Variants in ATP11C observed in about 807,000 individuals in gnomAD.
ATP11C encodes phospholipid-transporting ATPase IG.
In ATP11C, 36 loss-of-function variants were observed where a neutral mutation model predicts 97.4. That is an observed-to-expected ratio of 0.37 (90% CI 0.28 to 0.49). The LOEUF is 0.49. Among genes scored for constraint, ATP11C ranks in the 20% least tolerant of loss-of-function variants. The probability of loss-of-function intolerance (pLI) is 0.98; values close to 1 mark genes in which losing one functional copy is unlikely to be tolerated. For missense variants in ATP11C, 730 were observed against 824.6 expected, an observed-to-expected ratio of 0.89 and a Z score of 1.40; for synonymous variants, 275 against 290.9, an observed-to-expected ratio of 0.95 and a Z score of 0.56.
chrX:139,823,222 C>T (rs990506460), intron 2 of ATP11C, among the ~76,000 whole-genome samples: 3 of 111,007 alleles, frequency 2.7e-5, no homozygotes, highest in Non-Finnish European at 5.7e-5. Context: ...AACAAACAAA[C>T]AAACAAAAAA....
intron 20 of ATP11C, among the ~76,000 whole-genome samples, chrX:139,765,111 G>C (rs2082109920): frequency 9.1e-6 from 1 of 110,439 alleles, no homozygotes; most frequent in African/African-American, 3.3e-5. Flanking sequence ...AAGATAAAAG[G>C]ATATACAATC....
Position 139,782,723 on chromosome X carries a change from C to T in ATP11C, c.1776G>A (p.Gly592=), listed in dbSNP as rs767782753. ...TGAAGGCTACACAGAGTGTCCGATA[C>T]CCATCCTAGGAGTAAAGTAGGAGAT... ...KVHVERNAMD[G]YRTLCVAFKE... The change falls in exon 18 of 30, where the codon GGG becomes GGA. Residue 592 remains glycine (G), a synonymous_variant. Coordinates refer to ENST00000682941, the MANE Select transcript of ATP11C (RefSeq NM_001353812.2). 4.3e-6 allele frequency: 5 copies of T among 1,175,673 alleles called. No individual in the cohort carries two copies. The highest frequency in any genetic ancestry group is 3.0e-5 in the East Asian group (1 of 33,269).
intron 14 of ATP11C, 63 bp from the exon 15 acceptor site, chrX:139,787,307 A>T (rs1226627426): frequency 5.2e-6 from 5 of 963,944 alleles, no homozygotes; most frequent in African/African-American, 2.0e-5. Flanking sequence ...TTTTATTATT[A>T]TTTTTTTTGA....
intron 1 of ATP11C, among the ~76,000 whole-genome samples, chrX:139,925,135 T>C (rs2085331012): frequency 8.9e-6 from 1 of 111,755 alleles, no homozygotes; most frequent in African/African-American, 3.3e-5. Context: ...AATATTTCCG[T>C]GTTTACTATA....
intron 1 of ATP11C, among the ~76,000 whole-genome samples, chrX:139,920,546 A>G (rs2085243080): frequency 9.0e-6 from 1 of 111,389 alleles, no homozygotes; most frequent in Non-Finnish European, 1.9e-5. Flanking sequence ...TGGGACTAAG[A>G]GCTAACGGAT....
At chrX:139,904,255 C>T (rs751396940) in intron 1 of ATP11C, among the ~76,000 whole-genome samples, 22 of 111,527 alleles carry the variant, frequency 2.0e-4, no homozygotes, top group African/African-American at 6.5e-4. Context: ...TGGCCGGGCA[C>T]GGTGGCTCAC....
chrX:139,825,136 A>G (rs2083500019), intron 2 of ATP11C, among the ~76,000 whole-genome samples: 1 of 111,240 alleles, frequency 9.0e-6, no homozygotes, highest in Non-Finnish European at 1.9e-5. Context: ...AACACAAATA[A>G]CAATAGCAGC....
chrX:139,920,643 T>C (rs2085244751), intron 1 of ATP11C, among the ~76,000 whole-genome samples: 1 of 111,902 alleles, frequency 8.9e-6, no homozygotes, highest in African/African-American at 3.2e-5. Context: ...TCCACTTAAG[T>C]GTATACTTTA....
chrX:139,909,475 C>G (rs2085034488), intron 1 of ATP11C, among the ~76,000 whole-genome samples: 3 of 111,005 alleles, frequency 2.7e-5, no homozygotes, highest in Non-Finnish European at 5.7e-5. Context: ...TGTATCTGGT[C>G]TGTGATGTGA....
At chrX:139,729,957 T>A (rs2081308709) in intron 29 of ATP11C, among the ~76,000 whole-genome samples, 1 of 111,145 alleles carries the variant, frequency 9.0e-6, no homozygotes, top group Non-Finnish European at 1.9e-5. Context: ...CTCTGCAGGG[T>A]CATGGTGACT....
At chrX:139,807,283 A>C (rs758897844) in intron 5 of ATP11C, among the ~76,000 whole-genome samples, 40 of 110,762 alleles carry the variant, frequency 3.6e-4, no homozygotes, top group Non-Finnish European at 5.5e-4. Flanking sequence ...CACCATAAAA[A>C]ACTCTCCGGC....
At chrX:139,733,212 C>A in intron 28 of ATP11C, among the ~76,000 whole-genome samples, 1 of 111,599 alleles carries the variant, frequency 9.0e-6, no homozygotes, top group South Asian at 3.7e-4. Context: ...CCTTAAAACA[C>A]CCAGAAAAGT....
rs1292184024 is a variant in ATP11C at position 139,749,878 on chromosome X, C to A, written c.2828+147G>T. ...ATATGTCATTTTCCTGTTGAGCAGT[C>A]TGCTTTCAATAGCTAAAAATTCCAA... On this transcript the variant is annotated intron_variant, in intron 24 of 29. Coordinates refer to ENST00000682941, the MANE Select transcript of ATP11C (RefSeq NM_001353812.2). The A allele has an allele frequency of 2.1e-5, 11 of 526,429 alleles. No individual in the cohort carries two copies. In the East Asian group the frequency reaches 3.8e-4, roughly 18 times the overall value. The allele number at this position is 526,429 out of a possible 1,213,427, so 43.4% of individuals were successfully genotyped here.
At position 139,798,682 on chromosome X, in the gene ATP11C, A is replaced by G. The variant is rs761082044; in HGVS notation, c.772T>C (p.Tyr258His). The G allele has an allele frequency of 1.7e-6, 2 of 1,197,879 alleles. No homozygotes were observed. The highest frequency in any genetic ancestry group is 2.2e-5 in the Admixed American group (1 of 45,329). The change falls in exon 9 of 30, where the codon TAT becomes CAT. Residue 258 changes from tyrosine (Y) to histidine (H), a missense_variant. Tyr to His is a moderately conservative substitution (Grantham distance 83, BLOSUM62 2). Transcript: ENST00000682941. ...GATLKNTEKI[Y>H]GVAVYTGMET... ...GTGTATCTTAAAAATTGTTCACCAT[A>G]TATCTTCTCGGTATTTTTTAGCGTA...
At chrX:139,754,273 A>G (rs1234181660) in intron 23 of ATP11C, among the ~76,000 whole-genome samples, 1 of 111,454 alleles carries the variant, frequency 9.0e-6, no homozygotes, top group Non-Finnish European at 1.9e-5. Flanking sequence ...AGACTGAACC[A>G]GTCAGAAAAC....
At chrX:139,862,563 A>AT (rs1487420331) in intron 1 of ATP11C, among the ~76,000 whole-genome samples, 4 of 111,941 alleles carry the variant, frequency 3.6e-5, no homozygotes, top group African/African-American at 1.3e-4. Flanking sequence ...TTCTGTGTTG[A>AT]TTGTTGTTGT....
At chrX:139,905,064 T>C (rs765421068) in intron 1 of ATP11C, among the ~76,000 whole-genome samples, 9 of 111,991 alleles carry the variant, frequency 8.0e-5, no homozygotes, top group South Asian at 7.4e-4. Context: ...ATCTGTGGAA[T>C]TGGGTGATGG....
rs755612277 is a variant in ATP11C at position 139,785,955 on chromosome X, T to C, written c.1593-656A>G. 2.4e-4 allele frequency among the ~76,000 whole-genome samples: 27 copies of C among 111,165 alleles called. 1 individual carries two copies. The highest frequency in any genetic ancestry group is 4.1e-4 in the Non-Finnish European group (22 of 53,033). ...CGGCAGCATGAGAGCACATGGCCCA[T>C]GGAAGACTTTAAGTAGTTCACCAAT... On this transcript the variant is annotated intron_variant, in intron 15 of 29. Transcript: ENST00000682941.
intron 1 of ATP11C, among the ~76,000 whole-genome samples, chrX:139,853,758 G>A (rs2084041998): frequency 2.4e-5 from 2 of 83,982 alleles, no homozygotes; most frequent in African/African-American, 9.4e-5. Context: ...TTTGCTAACA[G>A]AAGAAAGTAA....
Sources: allele counts gnomAD v4.1 joint callset (sites outside exome capture counted in the v4.1 genomes callset), GRCh38; gene constraint gnomAD v4.1.1; transcripts MANE v1.5; gene names NCBI Gene and HGNC (gene_info 2026-07-23, HGNC 2026-07-21).